Variants in ATP2A2 observed in about 807,000 individuals in gnomAD.
ATP2A2 encodes the protein sarcoplasmic/endoplasmic reticulum calcium ATPase 2.
Under a neutral mutation model 109.3 loss-of-function variants are expected in ATP2A2, and 14 were observed. The ratio of observed to expected loss-of-function variants is 0.13; its 90% CI spans 0.08 to 0.20. ATP2A2 has a LOEUF of 0.20. ATP2A2 is among the 10% of genes least tolerant of loss of function. The pLI is 1.00. For synonymous variants in ATP2A2, 506 were observed against 490.9 expected (o/e 1.03, Z -0.41); for missense variants, 657 against 1,321.6 (o/e 0.50, Z 7.80).
chr12:110,289,479 GGTT>G (rs1186827029), intron 3 of ATP2A2, among the ~76,000 whole-genome samples: 2 of 152,116 alleles, frequency 1.3e-5, no homozygotes, highest in Admixed American at 1.3e-4. Flanking sequence ...TACTCATTCT[GGTT>G]GTCTGTTTGC....
chr12:110,301,297 C>A (rs1422606861), intron 5 of ATP2A2, among the ~76,000 whole-genome samples: 1 of 152,206 alleles, frequency 6.6e-6, no homozygotes, highest in Non-Finnish European at 1.5e-5. Context: ...AACTGTGATA[C>A]CTCAAAGCAC....
Position 110,339,469 on chromosome 12 carries a change from C to T in ATP2A2, c.1543-34C>T. 1.2e-6 allele frequency: 2 copies of T among 1,614,022 alleles called. No homozygotes were observed. Among genetic ancestry groups the T allele is most frequent in the Non-Finnish European group, 1.7e-6 (2 of 1,179,966 alleles). On this transcript the variant is annotated intron_variant, in intron 12 of 19. Transcript: ENST00000539276. This position sits in a 1 kb window ranked among gnomAD's most constrained non-coding sequence, Gnocchi z 4.4. ...TTAAGATCCCGGTGAACCAATAAAACAAAATTGTTTATCTAAATCTGTAAC... is the reference window on the plus strand; with the variant it reads ...TTAAGATCCCGGTGAACCAATAAAATAAAATTGTTTATCTAAATCTGTAAC...
intron 8 of ATP2A2, chr12:110,331,668 T>G (rs919770232): frequency 5.3e-5 from 8 of 152,220 alleles, no homozygotes; most frequent in African/African-American, 1.9e-4. Context: ...GTTTTACATT[T>G]TTTAAATTCC....
In ATP2A2 at chr12:110,326,489, G is replaced by T; in HGVS notation, c.630+14G>T. 6.3e-7 allele frequency: 1 copy of T among 1,599,064 alleles called. No individual in the cohort carries two copies. The highest frequency in any genetic ancestry group is 2.2e-5 in the East Asian group (1 of 44,782). On this transcript the variant is annotated intron_variant, in intron 7 of 19. Transcript: ENST00000539276. ...ATGCTGTTTTCTGTAAGTACTTTAT[G>T]AAATGTGTTTTTATTTACAGACATT...
chr12:110,293,546 C>T (rs755593875), intron 4 of ATP2A2, among the ~76,000 whole-genome samples: 25 of 151,556 alleles, frequency 1.6e-4, no homozygotes, highest in African/African-American at 6.1e-4. Flanking sequence ...AGGCACGTGC[C>T]ACCATGCCCA....
At chr12:110,314,336 G>GAAAAAAAAA in intron 5 of ATP2A2, among the ~76,000 whole-genome samples, 1 of 122,570 alleles carries the variant, frequency 8.2e-6, no homozygotes, top group Non-Finnish European at 1.8e-5. Context: ...CTCAAAAAAA[G>GAAAAAAAAA]AAAAAAAAAA....
chr12:110,288,639 A>G (rs1261830107), intron 3 of ATP2A2, among the ~76,000 whole-genome samples: 1 of 152,130 alleles, frequency 6.6e-6, no homozygotes, highest in African/African-American at 2.4e-5. Flanking sequence ...TCCTGACCTC[A>G]GGTGATCTGC....
At chr12:110,326,521 G>A (rs1877818350) in intron 7 of ATP2A2, 46 bp downstream of exon 7, 2 of 1,511,786 alleles carry the variant, frequency 1.3e-6, no homozygotes, top group Non-Finnish European at 1.8e-6. Context: ...CATTTCCAAA[G>A]CCTAATCAAA....
chr12:110,313,185 C>G (rs1032272964), intron 5 of ATP2A2, among the ~76,000 whole-genome samples: 1 of 152,154 alleles, frequency 6.6e-6, no homozygotes, highest in South Asian at 2.1e-4. Flanking sequence ...TAATCACCTC[C>G]TCTCTACTCC....
intron 4 of ATP2A2, among the ~76,000 whole-genome samples, chr12:110,293,337 G>A (rs991892570): frequency 6.7e-6 from 1 of 149,394 alleles, no homozygotes; most frequent in Non-Finnish European, 1.5e-5. Flanking sequence ...CAAAGTGCTG[G>A]GATTACAGGT....
intron 4 of ATP2A2, among the ~76,000 whole-genome samples, chr12:110,292,667 G>T (rs1450143774): frequency 1.3e-5 from 2 of 152,186 alleles, no homozygotes; most frequent in African/African-American, 4.8e-5. Context: ...CCAGCCTGTA[G>T]TCTCAGCTAC....
rs1057382708 is a variant in ATP2A2, at chr12:110,349,047, T to G, written c.*2577T>G. 7 of 985,336 alleles carry G rather than the reference T, an allele frequency of 7.1e-6. No homozygotes were observed. In the African/African-American group the frequency reaches 1.2e-4, roughly 17 times the overall value. The allele number at this position is 985,336 out of a possible 1,614,324, so 61.0% of individuals were successfully genotyped here. A position where few individuals can be genotyped will look rare whatever the true frequency, so the allele number is the denominator to read the frequency against. ...CTAGTTAGCTTCATGGTTTCTCAGC[T>G]TCAGACCCCTCCAGCCCACAGAGGA... On this transcript the variant is annotated 3_prime_UTR_variant, in exon 20 of 20. Coordinates refer to ENST00000539276, the MANE Select transcript of ATP2A2 (RefSeq NM_170665.4).
At position 110,350,621 on chromosome 12, in the gene ATP2A2, T is replaced by C. The variant is rs1592876208; in HGVS notation, c.*4151T>C. 1 of 461,690 alleles carries C rather than the reference T, an allele frequency of 2.2e-6. No individual in the cohort carries two copies. Among genetic ancestry groups the C allele is most frequent in the East Asian group, 4.0e-5 (1 of 24,866 alleles). 28.6% of individuals were successfully genotyped at this position (461,690 alleles called of 1,614,324 possible). ...AAGAACTTGGAAGCCGTCAGCCAAG[T>C]CGCCACATTTCTCTGCAAAATGTCA... is the stretch of plus-strand genomic sequence containing the variant. On this transcript the variant is annotated 3_prime_UTR_variant, in exon 20 of 20. Transcript: ENST00000539276.
At chr12:110,328,577 A>G (rs773346538) in intron 8 of ATP2A2, among the ~76,000 whole-genome samples, 1 of 152,160 alleles carries the variant, frequency 6.6e-6, no homozygotes, top group Non-Finnish European at 1.5e-5. Context: ...CAAAGAAAAG[A>G]AAAGAAAAAA....
intron 5 of ATP2A2, among the ~76,000 whole-genome samples, chr12:110,309,116 T>G (rs899627628): frequency 1.4e-5 from 2 of 147,480 alleles, no homozygotes; most frequent in Admixed American, 7.0e-5. Context: ...GAGGGAGATA[T>G]GGAGAGAGAG....
chr12:110,301,817 T>C (rs189569148), intron 5 of ATP2A2, among the ~76,000 whole-genome samples: 1 of 152,356 alleles, frequency 6.6e-6, no homozygotes, highest in East Asian at 1.9e-4. Flanking sequence ...CTTGTGCTGC[T>C]CCTTCATGTT....
At chr12:110,291,512 T>C (rs2137701224) in intron 3 of ATP2A2, among the ~76,000 whole-genome samples, 1 of 152,232 alleles carries the variant, frequency 6.6e-6, no homozygotes, top group African/African-American at 2.4e-5. Context: ...AGCTGAAGTA[T>C]AGTTTTGACT....
intron 5 of ATP2A2, among the ~76,000 whole-genome samples, chr12:110,311,609 A>AAAAAAAAAAAAAC (rs1876061186): frequency 6.7e-6 from 1 of 149,544 alleles, no homozygotes; most frequent in Non-Finnish European, 1.5e-5. Flanking sequence ...AAAAAAAAAA[A>AAAAAAAAAAAAAC]AAAAAAAAAA....
intron 8 of ATP2A2, chr12:110,332,049 T>C (rs1348149003): frequency 5.5e-6 from 1 of 180,922 alleles, no homozygotes; most frequent in Admixed American, 5.4e-5. Context: ...CATGAGCTAT[T>C]GCCACAATAA....
Sources: gnomAD v4.1 joint callset for allele counts (sites outside exome capture counted in the v4.1 genomes callset) on GRCh38, gnomAD v4.1.1 for gene constraint, Gnocchi (gnomAD v3.1) non-coding constraint, MANE v1.5 for transcripts, NCBI Gene and HGNC (gene_info 2026-07-23, HGNC 2026-07-21) for gene names.